MACROD2: variants seen among roughly 807,000 people sequenced by gnomAD.
The protein encoded by MACROD2 is ADP-ribose glycohydrolase MACROD2.
A neutral mutation model predicts 70.4 loss-of-function variants in MACROD2; 36 were observed. That is an observed-to-expected ratio of 0.51 (90% CI 0.39 to 0.68). The LOEUF (loss-of-function observed/expected upper bound fraction) is 0.68. MACROD2 is among the 30% of genes least tolerant of loss of function. The pLI, the probability that MACROD2 is intolerant of heterozygous loss-of-function variation, is 0.00. For synonymous variants in MACROD2, 172 were observed against 178.8 expected (o/e 0.96, Z 0.30); for missense variants, 496 against 538.4 (o/e 0.92, Z 0.78).
chr20:15,554,881 C>A (rs1048019471), intron 8 of MACROD2, among the ~76,000 whole-genome samples: 1 of 152,356 alleles, frequency 6.6e-6, no homozygotes, highest in East Asian at 1.9e-4. Flanking sequence ...CAGCTACATG[C>A]ATACTAATCT....
intron 3 of MACROD2, among the ~76,000 whole-genome samples, chr20:14,171,992 A>G (rs2081225016): frequency 6.6e-6 from 1 of 152,160 alleles, no homozygotes; most frequent in East Asian, 1.9e-4. Context: ...GTCTAATAGT[A>G]ATTGTTTTAT....
chr20:14,878,351 A>G (rs2122454593), intron 5 of MACROD2, among the ~76,000 whole-genome samples: 1 of 152,304 alleles, frequency 6.6e-6, no homozygotes, highest in African/African-American at 2.4e-5. Flanking sequence ...CTACATCTCC[A>G]TGAAAGACTA....
At chr20:14,223,887 T>C (rs6079355) in intron 3 of MACROD2, among the ~76,000 whole-genome samples, 86,364 of 151,948 alleles carry the variant, frequency 0.57, 26,980 homozygotes, top group Non-Finnish European at 0.71. Flanking sequence ...GGCTTATTGA[T>C]GGCTCACATG....
chr20:14,579,007 C>A (rs1415895650), intron 4 of MACROD2, among the ~76,000 whole-genome samples: 2 of 151,802 alleles, frequency 1.3e-5, no homozygotes, highest in African/African-American at 4.8e-5. Flanking sequence ...AAAGCTGCTG[C>A]TAGCTAAAAG....
intron 5 of MACROD2, among the ~76,000 whole-genome samples, chr20:14,797,603 A>T (rs1490400248): frequency 3.9e-5 from 6 of 151,968 alleles, no homozygotes; most frequent in Non-Finnish European, 1.5e-5. Context: ...CTCAAATGAC[A>T]TTTCCTCATG....
intron 8 of MACROD2, among the ~76,000 whole-genome samples, chr20:15,666,221 G>A (rs2049895692): frequency 6.6e-6 from 1 of 152,164 alleles, no homozygotes; most frequent in Non-Finnish European, 1.5e-5. Context: ...ATGTGAAACT[G>A]AGTGTTAGAC....
chr20:14,975,905 C>T (rs1021136417), intron 5 of MACROD2, among the ~76,000 whole-genome samples: 1 of 152,254 alleles, frequency 6.6e-6, no homozygotes, highest in African/African-American at 2.4e-5. Flanking sequence ...AAGTTATGGA[C>T]GTATTTGATG....
chr20:14,746,785 T>G (rs886354623), intron 5 of MACROD2, among the ~76,000 whole-genome samples: 3 of 152,182 alleles, frequency 2.0e-5, no homozygotes, highest in Admixed American at 2.0e-4. Flanking sequence ...GGGTCTAATT[T>G]ACTAGCTAAT....
At chr20:14,044,313 G>A (rs1258098876) in intron 2 of MACROD2, among the ~76,000 whole-genome samples, 4 of 152,098 alleles carry the variant, frequency 2.6e-5, no homozygotes, top group Non-Finnish European at 2.9e-5. Flanking sequence ...AGACCTTCGC[G>A]GTGAGTGTTA....
At chr20:14,510,139 T>G (rs192322743) in intron 4 of MACROD2, among the ~76,000 whole-genome samples, 1 of 152,170 alleles carries the variant, frequency 6.6e-6, no homozygotes, top group Non-Finnish European at 1.5e-5. Context: ...TCTATTATCT[T>G]AGCGTTGGTG....
chr20:15,506,405 G>A (rs1479459914), intron 8 of MACROD2, among the ~76,000 whole-genome samples: 4 of 152,210 alleles, frequency 2.6e-5, no homozygotes, highest in Non-Finnish European at 5.9e-5. Flanking sequence ...CTCTCATGCT[G>A]ATTTGACAAG....
At chr20:14,437,865 A>C (rs1738104133) in intron 3 of MACROD2, among the ~76,000 whole-genome samples, 2 of 152,192 alleles carry the variant, frequency 1.3e-5, no homozygotes, top group African/African-American at 4.8e-5. Context: ...ATTATAAGAC[A>C]CATCTATATA....
intron 2 of MACROD2, among the ~76,000 whole-genome samples, chr20:14,078,547 C>T (rs938474140): frequency 3.3e-5 from 5 of 152,134 alleles, no homozygotes; most frequent in African/African-American, 1.2e-4. Context: ...CCTGGGATTA[C>T]AGGCGCCTAC....
intron 6 of MACROD2, among the ~76,000 whole-genome samples, chr20:15,308,706 A>T (rs903927406): frequency 6.6e-6 from 1 of 152,184 alleles, no homozygotes; most frequent in African/African-American, 2.4e-5. Flanking sequence ...CAAGGGGACA[A>T]ATAAAAGAAA....
chr20:14,279,639 CAG>C (rs1215264155), intron 3 of MACROD2, among the ~76,000 whole-genome samples: 5 of 152,096 alleles, frequency 3.3e-5, no homozygotes, highest in South Asian at 2.1e-4. Context: ...TGATAAGAGA[CAG>C]GGGCAGGATT....
At chr20:14,251,468 T>C (rs2082011611) in intron 3 of MACROD2, among the ~76,000 whole-genome samples, 2 of 152,106 alleles carry the variant, frequency 1.3e-5, no homozygotes, top group Non-Finnish European at 2.9e-5. Context: ...CACCACACTT[T>C]CAGATTGGAT....
chr20:15,334,711 T>C (rs907646221), intron 6 of MACROD2, among the ~76,000 whole-genome samples: 7 of 151,750 alleles, frequency 4.6e-5, no homozygotes, highest in Admixed American at 4.6e-4. Context: ...CATATCTATA[T>C]TTATTTACAA....
At chr20:15,473,778 C>A (rs1253844196) in intron 7 of MACROD2, among the ~76,000 whole-genome samples, 1 of 152,182 alleles carries the variant, frequency 6.6e-6, no homozygotes, top group East Asian at 1.9e-4. Context: ...TTTCTCTAGT[C>A]CCAGTTTGCT....
At chr20:15,600,496 C>T (rs992048197) in intron 8 of MACROD2, among the ~76,000 whole-genome samples, 1 of 152,156 alleles carries the variant, frequency 6.6e-6, no homozygotes, top group Non-Finnish European at 1.5e-5. Context: ...ATCTCCCCGC[C>T]CTCCCCTTCT....
Sources: gnomAD v4.1 joint callset for allele counts (sites outside exome capture counted in the v4.1 genomes callset) on GRCh38, gnomAD v4.1.1 for gene constraint, MANE v1.5 for transcripts, NCBI Gene and HGNC (gene_info 2026-07-23, HGNC 2026-07-21) for gene names.